Variants in SLC35F3 observed in about 807,000 individuals in gnomAD.
SLC35F3 encodes the protein solute carrier family 35 member F3.
A neutral mutation model predicts 49.9 loss-of-function variants in SLC35F3; 25 were observed. The ratio of observed to expected loss-of-function variants is 0.50; its 90% CI spans 0.37 to 0.70. The LOEUF (loss-of-function observed/expected upper bound fraction) is 0.70. Ranked by LOEUF, SLC35F3 falls within the 30% of genes least tolerant of loss-of-function variation. The probability of loss-of-function intolerance (pLI) is 0.00; values close to 1 mark genes in which losing one functional copy is unlikely to be tolerated. For synonymous variants in SLC35F3, 275 were observed against 265.4 expected (o/e 1.04, Z -0.35); for missense variants, 525 against 639.8 (o/e 0.82, Z 1.94).
intron 2 of SLC35F3, among the ~76,000 whole-genome samples, chr1:233,924,141 G>A (rs1662116144): frequency 6.6e-6 from 1 of 152,166 alleles, no homozygotes; most frequent in Non-Finnish European, 1.5e-5. Flanking sequence ...TTTGGTATCA[G>A]GATGATGCTG....
chr1:234,125,435 T>A (rs1665632672), intron 2 of SLC35F3, among the ~76,000 whole-genome samples: 1 of 152,184 alleles, frequency 6.6e-6, no homozygotes. Flanking sequence ...ATCACGTGGC[T>A]GCTCTTGAGT....
chr1:234,272,982 C>G (rs999553066), intron 3 of SLC35F3, among the ~76,000 whole-genome samples: 1 of 152,232 alleles, frequency 6.6e-6, no homozygotes, highest in Non-Finnish European at 1.5e-5. Context: ...ACTAATGAGG[C>G]TACATGAACT....
At chr1:234,308,976 A>C in intron 3 of SLC35F3, 125 bp from the exon 4 acceptor site, 1 of 675,984 alleles carries the variant, frequency 1.5e-6, no homozygotes, top group East Asian at 2.7e-5. Context: ...TTTATTAAAA[A>C]TAATAAATTT....
At chr1:234,273,258 C>T (rs1668138527) in intron 3 of SLC35F3, among the ~76,000 whole-genome samples, 1 of 152,204 alleles carries the variant, frequency 6.6e-6, no homozygotes, top group South Asian at 2.1e-4. Flanking sequence ...TTTTACTATC[C>T]CTTATACAGG....
At chr1:234,088,753 A>C (rs1462815887) in intron 2 of SLC35F3, among the ~76,000 whole-genome samples, 1 of 152,088 alleles carries the variant, frequency 6.6e-6, no homozygotes, top group Non-Finnish European at 1.5e-5. Flanking sequence ...TACAGAACAC[A>C]GAAGATTTCT....
chr1:233,964,581 T>C (rs970010771), intron 2 of SLC35F3, among the ~76,000 whole-genome samples: 4 of 152,154 alleles, frequency 2.6e-5, no homozygotes, highest in African/African-American at 9.7e-5. Context: ...CGAATCAGGG[T>C]GTTAAGACTG....
At chr1:234,098,207 A>G (rs972807463) in intron 2 of SLC35F3, among the ~76,000 whole-genome samples, 24 of 140,154 alleles carry the variant, frequency 1.7e-4, no homozygotes, top group Admixed American at 1.6e-3. Flanking sequence ...GACAGTTCAG[A>G]TGGTGGTGGT....
chr1:233,986,406 A>G (rs1440714786), intron 2 of SLC35F3, among the ~76,000 whole-genome samples: 1 of 152,118 alleles, frequency 6.6e-6, no homozygotes, highest in East Asian at 1.9e-4. Context: ...AATTTTTAAC[A>G]TGGTGGTTTA....
At chr1:234,102,553 G>A (rs976348339) in intron 2 of SLC35F3, among the ~76,000 whole-genome samples, 1 of 152,198 alleles carries the variant, frequency 6.6e-6, no homozygotes, top group African/African-American at 2.4e-5. Context: ...CTGTAGAGGG[G>A]AAGAGATGAA....
chr1:234,018,325 G>A (rs1334855864), intron 2 of SLC35F3, among the ~76,000 whole-genome samples: 1 of 152,152 alleles, frequency 6.6e-6, no homozygotes, highest in Non-Finnish European at 1.5e-5. Context: ...AGGCAATGAT[G>A]GGCAAGGACA....
chr1:234,196,018 T>C (rs1335964791), intron 2 of SLC35F3, among the ~76,000 whole-genome samples: 1 of 151,994 alleles, frequency 6.6e-6, no homozygotes, highest in Non-Finnish European at 1.5e-5. Context: ...CAGTCTTGGG[T>C]ATGTTTTTAT....
Position 234,214,481 on chromosome 1 carries a change from G to A in SLC35F3, c.284-16936G>A. On this transcript the variant is annotated intron_variant, in intron 2 of 7. Transcript: ENST00000366618. The surrounding 1 kb of genome is among the most constrained non-coding windows in gnomAD (Gnocchi z 8.0). ...GTAGGCGATCGGCGGCAGCGCTCCT[G>A]CAGGCGGCCGGCTCATCATGAAGAA... 6.6e-7 allele frequency: 1 copy of A among 1,523,104 alleles called. No individual in the cohort carries two copies. Among genetic ancestry groups the A allele is most frequent in the Non-Finnish European group, 8.8e-7 (1 of 1,135,952 alleles). 94.3% of individuals were successfully genotyped at this position (1,523,104 alleles called of 1,614,324 possible).
At chr1:234,286,850 G>A (rs948457911) in intron 3 of SLC35F3, among the ~76,000 whole-genome samples, 2 of 152,176 alleles carry the variant, frequency 1.3e-5, no homozygotes, top group Middle Eastern at 3.2e-3. Flanking sequence ...TGAGTTTTGC[G>A]TTAGTTCAAA....
intron 2 of SLC35F3, among the ~76,000 whole-genome samples, chr1:233,909,079 G>A (rs983125862): frequency 1.3e-5 from 2 of 151,918 alleles, no homozygotes; most frequent in African/African-American, 4.8e-5. Context: ...GGCTGGTCTC[G>A]AACTCCTGAT....
chr1:234,080,636 T>C (rs1053587523), intron 2 of SLC35F3, among the ~76,000 whole-genome samples: 6 of 152,172 alleles, frequency 3.9e-5, no homozygotes, highest in African/African-American at 9.7e-5. Context: ...GAAAACATTA[T>C]GATAAGTGAA....
At chr1:234,149,627 G>T (rs1049589617) in intron 2 of SLC35F3, among the ~76,000 whole-genome samples, 1 of 152,078 alleles carries the variant, frequency 6.6e-6, no homozygotes, top group Non-Finnish European at 1.5e-5. Flanking sequence ...CTGGACATCT[G>T]TTTCATATGC....
At chr1:234,294,697 C>T (rs1215670285) in intron 3 of SLC35F3, among the ~76,000 whole-genome samples, 1 of 152,218 alleles carries the variant, frequency 6.6e-6, no homozygotes, top group Admixed American at 6.5e-5. Flanking sequence ...CATTTATTCA[C>T]AAATATTTCC....
chr1:234,118,872 C>G (rs900646487), intron 2 of SLC35F3, among the ~76,000 whole-genome samples: 3 of 148,734 alleles, frequency 2.0e-5, no homozygotes, highest in South Asian at 4.3e-4. Context: ...TTATTTTTTT[C>G]TTTTTTTCTT....
At chr1:233,976,215 G>T (rs1663077667) in intron 2 of SLC35F3, among the ~76,000 whole-genome samples, 1 of 152,150 alleles carries the variant, frequency 6.6e-6, no homozygotes. Flanking sequence ...TAGTCTCCTT[G>T]TAGAAAATTT....
Sources: gnomAD v4.1 joint callset for allele counts (sites outside exome capture counted in the v4.1 genomes callset) on GRCh38, gnomAD v4.1.1 for gene constraint, Gnocchi (gnomAD v3.1) non-coding constraint, MANE v1.5 for transcripts, NCBI Gene and HGNC (gene_info 2026-07-23, HGNC 2026-07-21) for gene names.